The following MIER3 variants were observed in gnomAD, a reference collection of about 807,000 sequenced individuals.
The protein encoded by MIER3 is mesoderm induction early response protein 3.
MIER3 carries 9 observed loss-of-function variants against 63.2 expected under a neutral mutation model. The observed-to-expected ratio is 0.14, with a 90% CI of 0.09 to 0.25. The LOEUF (loss-of-function observed/expected upper bound fraction) is 0.25, where lower values mean the gene tolerates loss of function less well. Ranked by LOEUF, MIER3 falls within the 10% of genes least tolerant of loss-of-function variation. The pLI, the probability that MIER3 is intolerant of heterozygous loss-of-function variation, is 1.00. For synonymous variants in MIER3, 205 were observed against 224.9 expected (o/e 0.91, Z 0.79); for missense variants, 512 against 666.2 (o/e 0.77, Z 2.55).
At chr5:56,940,249 C>T (rs1037770308) in intron 3 of MIER3, among the ~76,000 whole-genome samples, 3 of 152,208 alleles carry the variant, frequency 2.0e-5, no homozygotes, top group Non-Finnish European at 4.4e-5. Context: ...ATCTGTTAAA[C>T]ATTTTTAAGA....
Position 56,930,699 on chromosome 5 carries a change from A to T in MIER3, c.794T>A (p.Ile265Asn). The change falls in exon 9 of 13, where the codon ATC (isoleucine) becomes AAC (asparagine). Residue 265 changes from isoleucine to asparagine, a missense_variant. By Grantham distance (149) the Ile-to-Asn change is moderately radical. Transcript: ENST00000381199. ...CTTTCCATTGCAGCAGTATCTTTCG[A>T]TTGCTTCCTTTATATTGTGGTTACA... Reference protein sequence around the residue: ...LKCNHNIKEAIERYCCNGKAS... With the variant: ...LKCNHNIKEANERYCCNGKAS... 6.2e-7 allele frequency: 1 copy of T among 1,613,828 alleles called. No homozygotes were observed.
intron 2 of MIER3, among the ~76,000 whole-genome samples, chr5:56,950,350 C>T (rs1261643800): frequency 6.6e-6 from 1 of 152,034 alleles, no homozygotes; most frequent in Non-Finnish European, 1.5e-5. Flanking sequence ...GTTTCAGGCT[C>T]GGAGGAAAAA....
rs1278627915 is a variant in MIER3 at position 56,921,679 on chromosome 5, T to C, written c.*1449A>G. The C allele has an allele frequency of 6.6e-6, 1 of 152,654 alleles. No individual in the cohort carries two copies. Among genetic ancestry groups the C allele is most frequent in the Non-Finnish European group, 1.5e-5 (1 of 68,028 alleles). 9.5% of individuals were successfully genotyped at this position (152,654 alleles called of 1,614,324 possible). On this transcript the variant is annotated 3_prime_UTR_variant, in exon 13 of 13. Transcript: ENST00000381199. ...ATCCTATCTACTCATCAGCACAACCTTGAAGCAACTTATACTTACAAATAT... is the reference window on the plus strand; with the variant it reads ...ATCCTATCTACTCATCAGCACAACCCTGAAGCAACTTATACTTACAAATAT...
At chr5:56,937,292 G>T (rs1182071109) in intron 5 of MIER3, among the ~76,000 whole-genome samples, 3 of 151,966 alleles carry the variant, frequency 2.0e-5, no homozygotes, top group African/African-American at 7.3e-5. Context: ...GGCTAGGCTG[G>T]TCTCAAACTC....
chr5:56,948,163 T>C (rs1244910705), intron 2 of MIER3, among the ~76,000 whole-genome samples: 1 of 152,196 alleles, frequency 6.6e-6, no homozygotes, highest in Non-Finnish European at 1.5e-5. Flanking sequence ...ACCAAAACAC[T>C]GAACTGGGCC....
chr5:56,951,657 GC>G (rs1751036078), intron 1 of MIER3, among the ~76,000 whole-genome samples: 1 of 152,132 alleles, frequency 6.6e-6, no homozygotes, highest in African/African-American at 2.4e-5. Context: ...CTCCCGCAGG[GC>G]AGTGGCGCAG....
chr5:56,949,221 G>A (rs1198423284), intron 2 of MIER3, among the ~76,000 whole-genome samples: 1 of 152,100 alleles, frequency 6.6e-6, no homozygotes, highest in East Asian at 1.9e-4. Flanking sequence ...AGCCAGGTGT[G>A]GTGGCGCATC....
At position 56,921,859 on chromosome 5, in the gene MIER3, C is replaced by T. The variant is rs1363752802; in HGVS notation, c.*1269G>A. On this transcript the variant is annotated 3_prime_UTR_variant, in exon 13 of 13. Coordinates refer to ENST00000381199, the MANE Select transcript of MIER3 (RefSeq NM_001297599.2). The stretch of plus-strand genomic sequence containing the variant: ...CTGTATTACATATTGTTTGATTCAC[C>T]TTATAACTTAAAAATGCATGTTTAT... 1 of 152,524 alleles carries T rather than the reference C, an allele frequency of 6.6e-6. No homozygotes were observed. The highest frequency in any genetic ancestry group is 1.5e-5 in the Non-Finnish European group (1 of 67,998). The allele number at this position is 152,524 out of a possible 1,614,324, so 9.4% of individuals were successfully genotyped here.
intron 3 of MIER3, among the ~76,000 whole-genome samples, chr5:56,941,777 G>C (rs1403842255): frequency 6.6e-6 from 1 of 152,104 alleles, no homozygotes; most frequent in Non-Finnish European, 1.5e-5. Flanking sequence ...AGTTAAGAAG[G>C]GTGGAGAGAT....
At position 56,920,371 on chromosome 5, in the gene MIER3, A is replaced by C. The variant is rs1266444249; in HGVS notation, c.*2757T>G. On this transcript the variant is annotated 3_prime_UTR_variant, in exon 13 of 13. Transcript: ENST00000381199. Reference sequence around the variant, plus strand: ...ACTGTCCTTTTCAAATTCCCTGTACATAAAAGATATATCAGCCAACACTGC... The same window carrying C: ...ACTGTCCTTTTCAAATTCCCTGTACCTAAAAGATATATCAGCCAACACTGC... 1.3e-5 allele frequency: 2 copies of C among 152,554 alleles called. No homozygotes were observed. Among genetic ancestry groups the C allele is most frequent in the African/African-American group, 4.8e-5 (2 of 41,446 alleles). The allele number at this position is 152,554 out of a possible 1,614,324, so 9.5% of individuals were successfully genotyped here.
intron 4 of MIER3, among the ~76,000 whole-genome samples, chr5:56,938,626 T>G (rs1750534720): frequency 6.6e-6 from 1 of 152,176 alleles, no homozygotes; most frequent in Admixed American, 6.5e-5. Context: ...TAAGTTTAGA[T>G]ACAATGTGTC....
intron 1 of MIER3, 149 bp from the exon 2 acceptor site, chr5:56,950,801 C>T: frequency 3.7e-6 from 3 of 817,354 alleles, no homozygotes; most frequent in Admixed American, 2.5e-5. Context: ...CGCTCCCGGC[C>T]CCTTTCGGGC....
At chr5:56,936,487 A>C (rs1342191074) in intron 5 of MIER3, among the ~76,000 whole-genome samples, 2 of 152,102 alleles carry the variant, frequency 1.3e-5, no homozygotes, top group Non-Finnish European at 2.9e-5. Context: ...GATTGCATCT[A>C]AGAAATTATT....
Position 56,923,757 on chromosome 5 carries a change from G to A in MIER3, c.1129C>T (p.Arg377Trp), listed in dbSNP as rs746583183. The part of the protein sequence containing the change: ...TVNASALTSN[R>W]PEPIPDQQLN... ...TGTTGATCAGGAATAGGCTCAGGCCGGTTAGAAGTTAAGGCTGAAGCATTT... is the reference window on the plus strand; with the variant it reads ...TGTTGATCAGGAATAGGCTCAGGCCAGTTAGAAGTTAAGGCTGAAGCATTT... The change falls in exon 12 of 13, where the codon CGG becomes TGG. Residue 377 changes from arginine to tryptophan, a missense_variant. Physicochemically the swap from Arg to Trp is moderately radical, Grantham distance 101. Around this residue, in one of 5 missense-constraint regions of MIER3, gnomAD observed 218 missense variants for 251.2 expected, o/e 0.87. Coordinates refer to ENST00000381199, the MANE Select transcript of MIER3 (RefSeq NM_001297599.2). 3 of 1,614,146 alleles carry A rather than the reference G, an allele frequency of 1.9e-6. No homozygotes were observed. The highest frequency in any genetic ancestry group is 1.7e-6 in the Non-Finnish European group (2 of 1,180,012).
In MIER3 at chr5:56,923,266, A is replaced by G. The variant is rs542424522; in HGVS notation, c.1515T>C (p.Phe505=). The G allele has an allele frequency of 1.7e-4, 274 of 1,614,144 alleles. 4 individuals are homozygous for G. Among genetic ancestry groups the G allele is most frequent in the South Asian group, 8.9e-4 (81 of 91,078 alleles). Reference sequence around the variant, plus strand: ...TGGTGATGTGATGTGTGTGATTTTCAAAGTCCACACCCAGGTTATTTACAG... The same window carrying G: ...TGGTGATGTGATGTGTGTGATTTTCGAAGTCCACACCCAGGTTATTTACAG... The part of the protein sequence containing the change: ...EVSVNNLGVD[F]ENHTHHITSA... Residue 505 remains phenylalanine, a synonymous_variant, in exon 13 of 13, where the codon TTT becomes TTC. Coordinates refer to ENST00000381199, the MANE Select transcript of MIER3 (RefSeq NM_001297599.2).
chr5:56,935,442 T>C lies in MIER3; in HGVS notation c.581A>G (p.Asp194Gly). 1 of 1,592,158 alleles carries C rather than the reference T, an allele frequency of 6.3e-7. No homozygotes were observed. The highest frequency in any genetic ancestry group is 1.2e-5 in the South Asian group (1 of 85,210). ...AEIPPYLGEY[D>G]GNEKVYENED... Reference sequence around the variant, plus strand: ...GCTTTCCTTACCTTTCTCATTACCATCGTACTCTCCAAGATAAGGGGGAAT... The same window carrying C: ...GCTTTCCTTACCTTTCTCATTACCACCGTACTCTCCAAGATAAGGGGGAAT... The change falls in exon 7 of 13, where the codon GAT becomes GGT. Residue 194 changes from aspartate to glycine, a missense_variant. Around this residue, in one of 5 missense-constraint regions of MIER3, gnomAD observed 118 missense variants for 133.6 expected, o/e 0.88. Transcript: ENST00000381199.
chr5:56,934,330 G>T (rs1023539404), intron 7 of MIER3, among the ~76,000 whole-genome samples: 2 of 152,184 alleles, frequency 1.3e-5, no homozygotes, highest in Non-Finnish European at 2.9e-5. Flanking sequence ...CTTGACTTTT[G>T]AGAGAAGTTC....
rs373573398 is a variant in MIER3, at chr5:56,937,726, G to A, written c.316-28C>T. On this transcript the variant is annotated intron_variant, in intron 4 of 12. Transcript: ENST00000381199. ...GGAAGAATAAGAAGGCAGTGCTACAGTTAGAAATGATTACATCTCATTAAT... is the reference window on the plus strand; with the variant it reads ...GGAAGAATAAGAAGGCAGTGCTACAATTAGAAATGATTACATCTCATTAAT... The A allele has an allele frequency of 2.5e-6, 4 of 1,579,688 alleles. No homozygotes were observed. In the African/African-American group the frequency reaches 5.4e-5, roughly 21 times the overall value.
chr5:56,923,292 A>G lies in MIER3; in HGVS notation c.1489T>C (p.Ser497Pro). ...AAGTCCACACCCAGGTTATTTACAGAAACTTCATTCATAAAGGATTCAGGG... is the reference window on the plus strand; with the variant it reads ...AAGTCCACACCCAGGTTATTTACAGGAACTTCATTCATAAAGGATTCAGGG... ...AVPESFMNEV[S>P]VNNLGVDFEN... is the part of the protein sequence containing the mutation. Residue 497 changes from serine (S) to proline (P), a missense_variant, in exon 13 of 13, where the codon TCT becomes CCT. By Grantham distance (74) the Ser-to-Pro change is moderately conservative. Transcript: ENST00000381199. 6.2e-7 allele frequency: 1 copy of G among 1,614,170 alleles called. No individual in the cohort carries two copies. The highest frequency in any genetic ancestry group is 8.5e-7 in the Non-Finnish European group (1 of 1,180,022).
Sources: allele counts gnomAD v4.1 joint callset (sites outside exome capture counted in the v4.1 genomes callset), GRCh38; gene constraint gnomAD v4.1.1; regional missense constraint gnomAD v4.1.1; transcripts MANE v1.5; gene names NCBI Gene and HGNC (gene_info 2026-07-23, HGNC 2026-07-21).